Variants in ZNF138 observed in about 807,000 individuals in gnomAD.
ZNF138 encodes the protein zinc finger protein 138 (clone pHZ-32).
In ZNF138, 33 loss-of-function variants were observed where a neutral mutation model predicts 33.0. That is an observed-to-expected ratio of 1.00 (90% CI 0.76 to 1.34). The LOEUF is 1.34. Among genes scored for constraint, ZNF138 ranks in the 40% most tolerant of loss-of-function variants. The probability of loss-of-function intolerance (pLI) is 0.00; values close to 1 mark genes in which losing one functional copy is unlikely to be tolerated. For synonymous variants in ZNF138, 139 were observed against 120.4 expected (o/e 1.15, Z -1.01); for missense variants, 360 against 370.8 (o/e 0.97, Z 0.24).
chr7:64,859,958 G>A, the ZNF138 span, among the ~76,000 whole-genome samples: 1 of 152,158 alleles, frequency 6.6e-6, no homozygotes, highest in Non-Finnish European at 1.5e-5. Context: ...CCAACATGGT[G>A]AAACCCCATC....
chr7:64,814,670 G>T (rs1359152817), intron 1 of ZNF138, among the ~76,000 whole-genome samples: 3 of 152,216 alleles, frequency 2.0e-5, no homozygotes, highest in African/African-American at 7.2e-5. Flanking sequence ...GGATGCTGAG[G>T]CAGAATTGCT....
At position 64,801,629 on chromosome 7, in the gene ZNF138, ATATT is replaced by A. The variant is rs1787144925; in HGVS notation, c.3+7059_3+7062del. On this transcript the variant is annotated intron_variant, in intron 1 of 3. Transcript: ENST00000307355. ...TGCCACATGGTGCTGAGAAGAATATATATTATGTTGTTTTTAGATGGAGAGTTCT... is the reference window on the plus strand; with the variant it reads ...TGCCACATGGTGCTGAGAAGAATATAATGTTGTTTTTAGATGGAGAGTTCT... Among the ~76,000 whole-genome samples the A allele has an allele frequency of 2.6e-5, 4 of 152,086 alleles. No homozygotes were observed. In the South Asian group the frequency reaches 8.3e-4, roughly 31 times the overall value.
the ZNF138 span, chr7:64,852,879 CCAT>C: frequency 1.1e-6 from 1 of 916,276 alleles, no homozygotes; most frequent in Non-Finnish European, 1.8e-6. Context: ...GTTTGGCCGC[CCAT>C]TACAGACGTT....
At chr7:64,844,539 C>A in the ZNF138 span, among the ~76,000 whole-genome samples, 1 of 151,804 alleles carries the variant, frequency 6.6e-6, no homozygotes, top group East Asian at 1.9e-4. Flanking sequence ...CTTCTGCATC[C>A]GCAAAATGAG....
intron 1 of ZNF138, among the ~76,000 whole-genome samples, chr7:64,806,658 A>G (rs1787622353): frequency 6.6e-6 from 1 of 152,166 alleles, no homozygotes; most frequent in African/African-American, 2.4e-5. Context: ...GACCACAATT[A>G]TGTCTTTATC....
At chr7:64,840,583 C>T in the ZNF138 span, among the ~76,000 whole-genome samples, 1 of 151,904 alleles carries the variant, frequency 6.6e-6, no homozygotes, top group Non-Finnish European at 1.5e-5. Context: ...GATTACTAAC[C>T]CATTCTACAC....
chr7:64,814,574 G>C (rs981735842), intron 1 of ZNF138, among the ~76,000 whole-genome samples: 10 of 152,114 alleles, frequency 6.6e-5, no homozygotes, highest in Admixed American at 1.3e-4. Context: ...AGACCAGCCT[G>C]GCCAACATAG....
At chr7:64,814,382 A>G (rs1788441703) in intron 1 of ZNF138, among the ~76,000 whole-genome samples, 1 of 152,222 alleles carries the variant, frequency 6.6e-6, no homozygotes, top group African/African-American at 2.4e-5. Flanking sequence ...TTTATCATCC[A>G]GAAGAGTACC....
intron 3 of ZNF138, among the ~76,000 whole-genome samples, chr7:64,828,290 C>G (rs1789809507): frequency 3.9e-5 from 6 of 151,938 alleles, no homozygotes; most frequent in Admixed American, 6.6e-5. Context: ...TGCAACATAT[C>G]CCTAGGATGT....
chr7:64,859,297 G>GT, the ZNF138 span, among the ~76,000 whole-genome samples: 2 of 152,096 alleles, frequency 1.3e-5, no homozygotes, highest in South Asian at 4.1e-4. Flanking sequence ...TTATTATTGT[G>GT]TTTTTTGGAC....
At chr7:64,816,055 G>GT (rs1481417299) in intron 3 of ZNF138, among the ~76,000 whole-genome samples, 10 of 151,822 alleles carry the variant, frequency 6.6e-5, no homozygotes, top group Non-Finnish European at 1.2e-4. Flanking sequence ...TTCCATTGTG[G>GT]TTTTTTTGTT....
the ZNF138 span, chr7:64,852,974 C>G: frequency 7.7e-6 from 11 of 1,423,170 alleles, no homozygotes; most frequent in African/African-American, 1.4e-5. Flanking sequence ...CATTTTATTA[C>G]TGACTCCAAG....
the ZNF138 span, among the ~76,000 whole-genome samples, chr7:64,850,613 T>C: frequency 6.6e-6 from 1 of 152,234 alleles, no homozygotes; most frequent in Admixed American, 6.5e-5. Context: ...AAACGCCGTA[T>C]CAGGTGGTTC....
intron 1 of ZNF138, among the ~76,000 whole-genome samples, chr7:64,794,971 C>A (rs931058607): frequency 6.6e-6 from 1 of 151,966 alleles, no homozygotes; most frequent in African/African-American, 2.4e-5. Context: ...AAAGTCACCG[C>A]AAAAAAATTA....
Position 64,832,961 on chromosome 7 carries a change from C to A in ZNF138, c.*759C>A. The stretch of plus-strand genomic sequence containing the variant: ...GCAGTTGTTTTAACTAGTTCTCGAA[C>A]TTTACTATGCATAAGAAAATTCAAA... On this transcript the variant is annotated 3_prime_UTR_variant, in exon 4 of 4. Coordinates refer to ENST00000307355, the MANE Select transcript of ZNF138 (RefSeq NM_001271639.2). The A allele has an allele frequency of 2.5e-6, 1 of 394,530 alleles. No homozygotes were observed. The highest frequency in any genetic ancestry group is 2.0e-5 in the South Asian group (1 of 49,280). The allele number at this position is 394,530 out of a possible 1,614,324, so 24.4% of individuals were successfully genotyped here.
Position 64,794,527 on chromosome 7 carries a change from A to G in ZNF138, c.-42A>G. 1 of 1,612,474 alleles carries G rather than the reference A, an allele frequency of 6.2e-7. No homozygotes were observed. Among genetic ancestry groups the G allele is most frequent in the Non-Finnish European group, 8.5e-7 (1 of 1,178,984 alleles). ...GTGGCGCTGTGATCTGGTTATTGGG[A>G]GATTCACAGCTAAGACGCCAGGATC... On this transcript the variant is annotated 5_prime_UTR_variant, in exon 1 of 4. Coordinates refer to ENST00000307355, the MANE Select transcript of ZNF138 (RefSeq NM_001271639.2).
the ZNF138 span, among the ~76,000 whole-genome samples, chr7:64,847,875 T>G: frequency 1.3e-5 from 2 of 152,176 alleles, no homozygotes; most frequent in Non-Finnish European, 2.9e-5. Context: ...AGATGTAAGG[T>G]ACTATTTTAT....
At chr7:64,806,261 G>T (rs939033744) in intron 1 of ZNF138, among the ~76,000 whole-genome samples, 1 of 152,140 alleles carries the variant, frequency 6.6e-6, no homozygotes, top group Non-Finnish European at 1.5e-5. Context: ...TGCCTATTTT[G>T]TATCTATAGT....
intron 1 of ZNF138, among the ~76,000 whole-genome samples, chr7:64,805,432 A>T (rs142152898): frequency 0.031 from 4,552 of 147,394 alleles, 100 homozygotes; most frequent in Non-Finnish European, 0.047. Flanking sequence ...ACTGAGGCTG[A>T]AACAGTGCTC....
Sources: gnomAD v4.1 joint callset for allele counts (sites outside exome capture counted in the v4.1 genomes callset) on GRCh38, gnomAD v4.1.1 for gene constraint, MANE v1.5 for transcripts, NCBI Gene and HGNC (gene_info 2026-07-23, HGNC 2026-07-21) for gene names.